The following MAD1L1 variants were observed in gnomAD, a reference collection of about 807,000 sequenced individuals.
The protein encoded by MAD1L1 is mitotic spindle assembly checkpoint protein MAD1.
Under a neutral mutation model 96.9 loss-of-function variants are expected in MAD1L1, and 95 were observed. That is an observed-to-expected ratio of 0.98 (90% CI 0.83 to 1.16). The LOEUF is 1.16. MAD1L1 is among the 50% of genes most tolerant of loss of function. The probability of loss-of-function intolerance (pLI) is 0.00; values close to 1 mark genes in which losing one functional copy is unlikely to be tolerated. For synonymous variants in MAD1L1, 473 were observed against 396.6 expected, an observed-to-expected ratio of 1.19 and a Z score of -2.29; for missense variants, 1,007 against 954.4, an observed-to-expected ratio of 1.06 and a Z score of -0.73.
At chr7:2,182,542 G>A (rs573405746) in intron 10 of MAD1L1, among the ~76,000 whole-genome samples, 11 of 152,190 alleles carry the variant, frequency 7.2e-5, no homozygotes, top group Admixed American at 2.0e-4. Context: ...GTAATAGCCA[G>A]AAAGTGAAAC....
intron 10 of MAD1L1, among the ~76,000 whole-genome samples, chr7:2,205,602 T>C (rs1188263972): frequency 6.6e-6 from 1 of 152,136 alleles, no homozygotes; most frequent in Non-Finnish European, 1.5e-5. Flanking sequence ...CGCCTCCTAA[T>C]TCTCAGGGAG....
At chr7:2,005,292 AAG>A (rs1350321298) in intron 13 of MAD1L1, among the ~76,000 whole-genome samples, 4 of 152,110 alleles carry the variant, frequency 2.6e-5, no homozygotes, top group African/African-American at 7.2e-5. Context: ...TCAGACTGCA[AAG>A]AGACATCCAC....
intron 5 of MAD1L1, chr7:2,220,881 C>T (rs1053501509): frequency 5.0e-6 from 8 of 1,608,788 alleles, no homozygotes; most frequent in East Asian, 2.2e-5. Flanking sequence ...AATTAATACG[C>T]ACCGTGTGCC....
chr7:2,154,570 G>A (rs1443543753), intron 10 of MAD1L1, among the ~76,000 whole-genome samples: 5 of 152,092 alleles, frequency 3.3e-5, no homozygotes, highest in Non-Finnish European at 7.3e-5. Flanking sequence ...TCCACATTCT[G>A]TGCACGTAAG....
At chr7:2,225,931 G>A (rs375074215) in intron 3 of MAD1L1, among the ~76,000 whole-genome samples, 3 of 152,284 alleles carry the variant, frequency 2.0e-5, no homozygotes, top group African/African-American at 4.8e-5. Context: ...ATGTTCTCAC[G>A]TGGAGCTCAG....
intron 18 of MAD1L1, among the ~76,000 whole-genome samples, chr7:1,838,249 G>A (rs933900529): frequency 7.2e-5 from 11 of 152,206 alleles, no homozygotes; most frequent in Admixed American, 1.3e-4. Flanking sequence ...GGGAGGACGG[G>A]GAGAAGCTGG....
intron 12 of MAD1L1, among the ~76,000 whole-genome samples, chr7:2,053,103 T>G (rs1453424747): frequency 1.3e-5 from 2 of 152,214 alleles, no homozygotes; most frequent in African/African-American, 2.4e-5. Context: ...CACTGACAGC[T>G]ACACGTCTTG....
chr7:1,865,013 G>A (rs896065152), intron 18 of MAD1L1, among the ~76,000 whole-genome samples: 8 of 152,032 alleles, frequency 5.3e-5, no homozygotes, highest in African/African-American at 1.4e-4. Context: ...CACCTACCAC[G>A]CCCGCAGCTC....
chr7:2,201,874 G>C (rs1021244281), intron 10 of MAD1L1: 1 of 152,330 alleles, frequency 6.6e-6, no homozygotes, highest in Non-Finnish European at 1.5e-5. Flanking sequence ...CAAGGGCGGC[G>C]TGAGCCTGTC....
At chr7:1,836,032 C>G (rs1282058722) in intron 18 of MAD1L1, among the ~76,000 whole-genome samples, 3 of 151,932 alleles carry the variant, frequency 2.0e-5, no homozygotes, top group Non-Finnish European at 2.9e-5. Flanking sequence ...TTTCTTTTTT[C>G]TTTTTTTAAG....
intron 12 of MAD1L1, among the ~76,000 whole-genome samples, chr7:2,019,395 C>T (rs1782680880): frequency 1.3e-5 from 2 of 152,228 alleles, no homozygotes; most frequent in African/African-American, 4.8e-5. Context: ...TAATAAGCGC[C>T]TCGGAGGACC....
intron 12 of MAD1L1, among the ~76,000 whole-genome samples, chr7:2,026,964 T>G (rs1411495621): frequency 6.6e-6 from 1 of 152,016 alleles, no homozygotes; most frequent in Non-Finnish European, 1.5e-5. Context: ...TTCCTCCAAA[T>G]GACTAATAAA....
At chr7:2,137,214 T>C (rs1788795642) in intron 11 of MAD1L1, among the ~76,000 whole-genome samples, 1 of 152,182 alleles carries the variant, frequency 6.6e-6, no homozygotes, top group Admixed American at 6.5e-5. Flanking sequence ...ATCTCCCTAT[T>C]CTCTTCCTGA....
intron 17 of MAD1L1, among the ~76,000 whole-genome samples, chr7:1,920,524 A>G (rs555443814): frequency 1.3e-5 from 2 of 152,308 alleles, no homozygotes; most frequent in East Asian, 1.9e-4. Flanking sequence ...AACCCATCGC[A>G]TGGAGTTGGG....
intron 12 of MAD1L1, among the ~76,000 whole-genome samples, chr7:2,020,249 A>G (rs1276490223): frequency 6.6e-6 from 1 of 151,676 alleles, no homozygotes; most frequent in Non-Finnish European, 1.5e-5. Flanking sequence ...GTGGCTCTCC[A>G]TGATCGGGGG....
chr7:2,173,889 C>T (rs911231926), intron 10 of MAD1L1, among the ~76,000 whole-genome samples: 11 of 152,198 alleles, frequency 7.2e-5, no homozygotes, highest in African/African-American at 2.2e-4. Context: ...GCCTCCACCT[C>T]GTGGGCTCAA....
intron 11 of MAD1L1, among the ~76,000 whole-genome samples, chr7:2,071,809 T>A (rs1258581495): frequency 3.3e-5 from 5 of 151,532 alleles, no homozygotes; most frequent in African/African-American, 9.7e-5. Flanking sequence ...CCACCAGAGC[T>A]AGGAGAGCTT....
At chr7:1,946,259 G>A (rs372731608) in intron 16 of MAD1L1, among the ~76,000 whole-genome samples, 27 of 152,306 alleles carry the variant, frequency 1.8e-4, no homozygotes, top group African/African-American at 6.5e-4. Context: ...TCCAGGCGTG[G>A]GGAGAAGCCC....
At chr7:2,023,306 T>G (rs1029916382) in intron 12 of MAD1L1, among the ~76,000 whole-genome samples, 1 of 151,896 alleles carries the variant, frequency 6.6e-6, no homozygotes, top group Non-Finnish European at 1.5e-5. Flanking sequence ...CTAAAGAAAT[T>G]AAAAAGAATA....
Sources: gnomAD v4.1 joint callset for allele counts (sites outside exome capture counted in the v4.1 genomes callset) on GRCh38, gnomAD v4.1.1 for gene constraint, MANE v1.5 for transcripts, NCBI Gene and HGNC (gene_info 2026-07-23, HGNC 2026-07-21) for gene names.